Variants in ASB3 observed in about 807,000 individuals in gnomAD.
The protein encoded by ASB3 is ankyrin repeat and SOCS box containing 3, also known as ankyrin repeat and SOCS box protein 3.
Under a neutral mutation model 54.5 loss-of-function variants are expected in ASB3, and 41 were observed. That is an observed-to-expected ratio of 0.75 (90% CI 0.59 to 0.98). The LOEUF (loss-of-function observed/expected upper bound fraction) is 0.98, where lower values mean the gene tolerates loss of function less well. ASB3 is among the 50% of genes least tolerant of loss of function. The pLI, the probability that ASB3 is intolerant of heterozygous loss-of-function variation, is 0.00. For synonymous variants in ASB3, 266 were observed against 221.2 expected, an observed-to-expected ratio of 1.20 and a Z score of -1.80; for missense variants, 733 against 620.0, an observed-to-expected ratio of 1.18 and a Z score of -1.94.
chr2:53,696,249 C>T (rs1011239845), intron 8 of ASB3, among the ~76,000 whole-genome samples: 2 of 152,022 alleles, frequency 1.3e-5, no homozygotes, highest in African/African-American at 2.4e-5. Flanking sequence ...TTCAGAATAC[C>T]GAAAGTTTCA....
chr2:53,722,180 A>T, intron 5 of ASB3, among the ~76,000 whole-genome samples: 1 of 151,858 alleles, frequency 6.6e-6, no homozygotes, highest in African/African-American at 2.4e-5. Context: ...CCATAATAAA[A>T]AAAAAAAAAA....
At chr2:53,723,956 T>G (rs1207695980) in intron 5 of ASB3, among the ~76,000 whole-genome samples, 38 of 152,070 alleles carry the variant, frequency 2.5e-4, no homozygotes, top group Non-Finnish European at 5.9e-5. Context: ...AAAGTTTAAA[T>G]GTAAGACCTC....
intron 9 of ASB3, among the ~76,000 whole-genome samples, chr2:53,687,853 T>C (rs1405634422): frequency 6.6e-5 from 10 of 152,198 alleles, no homozygotes; most frequent in Admixed American, 5.2e-4. Flanking sequence ...TCAGGCTCTG[T>C]CATCCAGGCT....
intron 2 of ASB3, among the ~76,000 whole-genome samples, chr2:53,752,554 T>A (rs1672574992): frequency 6.6e-6 from 1 of 152,222 alleles, no homozygotes; most frequent in Non-Finnish European, 1.5e-5. Flanking sequence ...ATTGATTTAT[T>A]TCCCTTTCTG....
At chr2:53,700,862 T>C (rs1669452963) in intron 7 of ASB3, among the ~76,000 whole-genome samples, 1 of 152,264 alleles carries the variant, frequency 6.6e-6, no homozygotes, top group African/African-American at 2.4e-5. Flanking sequence ...CAAAATACTT[T>C]GCTTAACAAA....
chr2:53,686,777 C>T (rs928374279), intron 9 of ASB3, among the ~76,000 whole-genome samples: 1 of 152,160 alleles, frequency 6.6e-6, no homozygotes, highest in Non-Finnish European at 1.5e-5. Context: ...AGTGCAATGG[C>T]ACAATCTCGG....
chr2:53,772,076 GGTTT>G, intron 1 of ASB3: 1 of 585,756 alleles, frequency 1.7e-6, no homozygotes, highest in Non-Finnish European at 2.9e-6. Context: ...TGTATTTGTG[GGTTT>G]TTTTTGTGTT....
At chr2:53,762,127 T>C (rs1028281723) in intron 2 of ASB3, among the ~76,000 whole-genome samples, 1 of 152,158 alleles carries the variant, frequency 6.6e-6, no homozygotes. Context: ...GATGCTATTA[T>C]AGCAACGCAG....
At chr2:53,730,881 T>A (rs150268694) in intron 3 of ASB3, among the ~76,000 whole-genome samples, 389 of 152,190 alleles carry the variant, frequency 2.6e-3, no homozygotes, top group African/African-American at 8.9e-3. Flanking sequence ...AATCAACACT[T>A]CTCAGTCACA....
intron 1 of ASB3, among the ~76,000 whole-genome samples, chr2:53,772,833 A>T (rs1674037771): frequency 6.6e-6 from 1 of 152,120 alleles, no homozygotes; most frequent in African/African-American, 2.4e-5. Context: ...CCTAGTATCA[A>T]TTAGTTATTT....
At chr2:53,749,178 T>C (rs891880982) in intron 3 of ASB3, among the ~76,000 whole-genome samples, 3 of 151,946 alleles carry the variant, frequency 2.0e-5, no homozygotes, top group Admixed American at 6.6e-5. Flanking sequence ...AAAGGAAAGA[T>C]GGAAAATAAT....
chr2:53,700,099 T>G (rs1300923957), intron 8 of ASB3, among the ~76,000 whole-genome samples, 172 bp downstream of exon 8: 3 of 152,178 alleles, frequency 2.0e-5, no homozygotes, highest in Non-Finnish European at 4.4e-5. Context: ...CCCAGGACTC[T>G]GTGCTTAAAT....
chr2:53,781,756 A>G (rs1172549954), intron 1 of ASB3, among the ~76,000 whole-genome samples: 1 of 152,210 alleles, frequency 6.6e-6, no homozygotes, highest in Non-Finnish European at 1.5e-5. Flanking sequence ...CAGCCTCCCA[A>G]AGTGCTGGGA....
At chr2:53,737,293 G>A (rs1671692988) in intron 3 of ASB3, among the ~76,000 whole-genome samples, 1 of 152,168 alleles carries the variant, frequency 6.6e-6, no homozygotes, top group South Asian at 2.1e-4. Flanking sequence ...TCCAAGTAGA[G>A]CAACAGTAAG....
At chr2:53,740,118 T>G in intron 3 of ASB3, among the ~76,000 whole-genome samples, 1 of 152,254 alleles carries the variant, frequency 6.6e-6, no homozygotes, top group East Asian at 1.9e-4. Context: ...AAATCATCTA[T>G]ATATTCAATT....
intron 3 of ASB3, among the ~76,000 whole-genome samples, chr2:53,733,933 G>C (rs1480327650): frequency 6.6e-6 from 1 of 152,188 alleles, no homozygotes; most frequent in Non-Finnish European, 1.5e-5. Context: ...ATTCCTTATG[G>C]GAAACAAAGG....
At chr2:53,676,949 G>A (rs1572823816) in intron 9 of ASB3, among the ~76,000 whole-genome samples, 1 of 151,918 alleles carries the variant, frequency 6.6e-6, no homozygotes, top group African/African-American at 2.4e-5. Flanking sequence ...TTGTATTTTT[G>A]GTAGAGACAG....
At chr2:53,744,645 C>A (rs1311501428) in intron 3 of ASB3, among the ~76,000 whole-genome samples, 2 of 151,694 alleles carry the variant, frequency 1.3e-5, no homozygotes, top group Non-Finnish European at 2.9e-5. Flanking sequence ...TAAAAAAAAA[C>A]CTCCAAAGCA....
chr2:53,694,057 G>A (rs1255883131), intron 8 of ASB3, 43 bp from the exon 9 acceptor site: 1 of 1,602,270 alleles, frequency 6.2e-7, no homozygotes, highest in Non-Finnish European at 8.5e-7. Flanking sequence ...AACAAAACAT[G>A]CCAAGGGTTC....
Sources: gnomAD v4.1 joint callset for allele counts (sites outside exome capture counted in the v4.1 genomes callset) on GRCh38, gnomAD v4.1.1 for gene constraint, MANE v1.5 for transcripts, NCBI Gene and HGNC (gene_info 2026-07-23, HGNC 2026-07-21) for gene names.